The following CPNE8 variants were observed in gnomAD, a reference collection of about 807,000 sequenced individuals.
CPNE8 encodes copine 8, also known as copine-8.
CPNE8 carries 45 observed loss-of-function variants against 81.5 expected under a neutral mutation model. The observed-to-expected ratio is 0.55, with a 90% CI of 0.44 to 0.71. The LOEUF (loss-of-function observed/expected upper bound fraction) is 0.71. Among genes scored for constraint, CPNE8 ranks in the 30% least tolerant of loss-of-function variants. The pLI is 0.00. For synonymous variants in CPNE8, 252 were observed against 226.3 expected (o/e 1.11, Z -1.02); for missense variants, 594 against 672.1 (o/e 0.88, Z 1.28).
At chr12:38,848,754 CA>C in intron 3 of CPNE8, 92 bp from the exon 4 acceptor site, 1 of 1,381,982 alleles carries the variant, frequency 7.2e-7, no homozygotes, top group Non-Finnish European at 9.4e-7. Flanking sequence ...TTTTAAAAAA[CA>C]AGCAATAAAT....
chr12:38,693,825 C>T lies in CPNE8; in HGVS notation c.975G>A (p.Gln325=), dbSNP rs1396240989. ...GATTCATGTAGTGGAGGGAAGTGGG[C>T]TGAGCAGGGTTGCCTGATGACAGAA... ...DFTASNGNPA[Q]PTSLHYMNPY... Residue 325 remains glutamine, a synonymous_variant, in exon 15 of 20, where the codon CAG becomes CAA. Transcript: ENST00000331366. 1.2e-6 allele frequency: 2 copies of T among 1,607,852 alleles called. No individual in the cohort carries two copies. The highest frequency in any genetic ancestry group is 1.1e-5 in the South Asian group (1 of 89,712).
At chr12:38,682,862 T>A (rs945335927) in intron 16 of CPNE8, among the ~76,000 whole-genome samples, 3 of 152,200 alleles carry the variant, frequency 2.0e-5, no homozygotes, top group African/African-American at 7.2e-5. Context: ...GGTTGAATAC[T>A]GGATGTTCTT....
chr12:38,774,354 T>A (rs1321836816), intron 7 of CPNE8, among the ~76,000 whole-genome samples: 1 of 152,184 alleles, frequency 6.6e-6, no homozygotes, highest in African/African-American at 2.4e-5. Flanking sequence ...CTTCCTTTTT[T>A]CTTTCCTCCT....
chr12:38,714,834 ACAAT>A (rs1469458257), intron 13 of CPNE8, among the ~76,000 whole-genome samples: 1 of 152,090 alleles, frequency 6.6e-6, no homozygotes, highest in Non-Finnish European at 1.5e-5. Context: ...GGTTTCACAA[ACAAT>A]CAAGCTGGTA....
At chr12:38,684,705 G>A (rs1939494391) in intron 16 of CPNE8, among the ~76,000 whole-genome samples, 1 of 152,100 alleles carries the variant, frequency 6.6e-6, no homozygotes, top group Admixed American at 6.6e-5. Flanking sequence ...GTTTCACATT[G>A]CCTTTGTACT....
chr12:38,819,026 G>T (rs954357431), intron 6 of CPNE8, among the ~76,000 whole-genome samples: 2 of 152,074 alleles, frequency 1.3e-5, no homozygotes, highest in Non-Finnish European at 2.9e-5. Context: ...AAAGATTCTG[G>T]ATTTCAGATC....
intron 18 of CPNE8, among the ~76,000 whole-genome samples, chr12:38,672,299 C>T (rs1264042070): frequency 1.3e-5 from 2 of 152,202 alleles, no homozygotes; most frequent in African/African-American, 4.8e-5. Flanking sequence ...GTCATTTAGG[C>T]AATACTGTAT....
chr12:38,831,443 T>C (rs1943284118), intron 5 of CPNE8, among the ~76,000 whole-genome samples: 1 of 152,120 alleles, frequency 6.6e-6, no homozygotes, highest in Non-Finnish European at 1.5e-5. Flanking sequence ...TGGTAGTTAA[T>C]AAGAGGCAAA....
At chr12:38,683,158 T>C (rs1939448898) in intron 16 of CPNE8, among the ~76,000 whole-genome samples, 1 of 152,276 alleles carries the variant, frequency 6.6e-6, no homozygotes, top group African/African-American at 2.4e-5. Flanking sequence ...ATATGAATCC[T>C]AAAAATAAAC....
intron 17 of CPNE8, 129 bp downstream of exon 17, chr12:38,677,322 GT>G (rs1019950308): frequency 1.6e-6 from 1 of 618,802 alleles, no homozygotes; most frequent in Non-Finnish European, 2.9e-6. Flanking sequence ...TCTGGATAAG[GT>G]TAAGGATGCA....
At chr12:38,851,416 A>G (rs976029117) in intron 3 of CPNE8, among the ~76,000 whole-genome samples, 5 of 152,342 alleles carry the variant, frequency 3.3e-5, no homozygotes, top group Admixed American at 1.3e-4. Flanking sequence ...CTTCTTGTCA[A>G]TAAATGTTAC....
chr12:38,905,745 G>T, upstream of CPNE8: 1 of 1,408,402 alleles, frequency 7.1e-7, no homozygotes, highest in Non-Finnish European at 9.2e-7. Flanking sequence ...TGAAACTGAC[G>T]CTGCCAGGCA....
intron 3 of CPNE8, among the ~76,000 whole-genome samples, chr12:38,871,694 C>T (rs377377456): frequency 9.2e-5 from 14 of 151,912 alleles, no homozygotes; most frequent in African/African-American, 2.9e-4. Context: ...TATGAAGATA[C>T]GGGAGAGAAA....
At chr12:38,803,621 C>A (rs956044773) in intron 6 of CPNE8, among the ~76,000 whole-genome samples, 1 of 144,572 alleles carries the variant, frequency 6.9e-6, no homozygotes. Context: ...CCTCTCTCAC[C>A]GCTCCTATTC....
intron 15 of CPNE8, 141 bp from the exon 16 acceptor site, chr12:38,685,758 A>G (rs1022583747): frequency 4.3e-6 from 3 of 695,806 alleles, no homozygotes; most frequent in Non-Finnish European, 6.9e-6. Context: ...TTACAATAGC[A>G]AAAAAATAAT....
At chr12:38,742,737 G>T (rs1467845514) in intron 10 of CPNE8, among the ~76,000 whole-genome samples, 1 of 150,720 alleles carries the variant, frequency 6.6e-6, no homozygotes, top group African/African-American at 2.4e-5. Context: ...TAGGAAGAAT[G>T]GCACATCAGA....
chr12:38,782,892 C>A (rs925102895), intron 6 of CPNE8, among the ~76,000 whole-genome samples: 4 of 152,002 alleles, frequency 2.6e-5, no homozygotes, highest in Non-Finnish European at 4.4e-5. Flanking sequence ...GTTGCCTAAG[C>A]TGTTCTCAAA....
At chr12:38,715,513 T>C (rs1228622441) in intron 13 of CPNE8, among the ~76,000 whole-genome samples, 2 of 152,052 alleles carry the variant, frequency 1.3e-5, no homozygotes, top group Non-Finnish European at 2.9e-5. Flanking sequence ...ATAAATGTGA[T>C]ACATCACATA....
chr12:38,801,882 A>C (rs1025500074), intron 6 of CPNE8, among the ~76,000 whole-genome samples: 1 of 94,392 alleles, frequency 1.1e-5, no homozygotes, highest in Admixed American at 1.3e-4. Context: ...AACAGACTTT[A>C]AACCAACAAA....
Sources: gnomAD v4.1 joint callset for allele counts (sites outside exome capture counted in the v4.1 genomes callset) on GRCh38, gnomAD v4.1.1 for gene constraint, MANE v1.5 for transcripts, NCBI Gene and HGNC (gene_info 2026-07-23, HGNC 2026-07-21) for gene names.